SAMSN1: variants seen among roughly 807,000 people sequenced by gnomAD.
The protein encoded by SAMSN1 is SAM domain, SH3 domain and nuclear localization signals 1.
A neutral mutation model predicts 42.0 loss-of-function variants in SAMSN1; 31 were observed. That is an observed-to-expected ratio of 0.74 (90% confidence interval 0.55 to 1.00). SAMSN1 has a LOEUF of 1.00. Among genes scored for constraint, SAMSN1 ranks in the 50% least tolerant of loss-of-function variants. The probability of loss-of-function intolerance (pLI) is 0.00; values close to 1 mark genes in which losing one functional copy is unlikely to be tolerated. For synonymous variants in SAMSN1, 178 were observed against 151.9 expected (o/e 1.17, Z -1.26); for missense variants, 464 against 439.4 (o/e 1.06, Z -0.50).
At chr21:14,632,854 T>G (rs936877542) in intron 2 of SAMSN1, among the ~76,000 whole-genome samples, 12 of 152,196 alleles carry the variant, frequency 7.9e-5, no homozygotes, top group African/African-American at 2.7e-4. Context: ...CTGGAGGCCT[T>G]ACTTTATTGT....
At chr21:14,563,833 C>T (rs759720271) in intron 2 of SAMSN1, among the ~76,000 whole-genome samples, 7 of 152,130 alleles carry the variant, frequency 4.6e-5, no homozygotes, top group East Asian at 1.9e-4. Flanking sequence ...GTGAATGCCC[C>T]GTGTCAGCAA....
intron 2 of SAMSN1, among the ~76,000 whole-genome samples, chr21:14,520,797 T>C (rs890218439): frequency 6.6e-6 from 1 of 152,074 alleles, no homozygotes; most frequent in African/African-American, 2.4e-5. Context: ...CTGGCCTCTT[T>C]TGTTGTTATG....
intron 6 of SAMSN1, among the ~76,000 whole-genome samples, chr21:14,596,910 T>A (rs1391840967): frequency 6.6e-6 from 1 of 152,178 alleles, no homozygotes; most frequent in Non-Finnish European, 1.5e-5. Context: ...TGAAATAATT[T>A]TTTTTGTTTG....
intron 1 of SAMSN1, among the ~76,000 whole-genome samples, chr21:14,531,799 C>T (rs139602092): frequency 2.6e-4 from 39 of 152,128 alleles, no homozygotes; most frequent in Non-Finnish European, 5.4e-4. Flanking sequence ...TCCTTTTAAC[C>T]AAATTTCCTA....
chr21:14,529,266 C>T (rs187660370), intron 1 of SAMSN1, among the ~76,000 whole-genome samples: 8 of 152,282 alleles, frequency 5.3e-5, no homozygotes, highest in African/African-American at 1.7e-4. Context: ...AACCCTTTTC[C>T]GATGCCATTT....
At chr21:14,558,586 CAGG>C (rs1441970743) in intron 2 of SAMSN1, among the ~76,000 whole-genome samples, 1 of 151,990 alleles carries the variant, frequency 6.6e-6, no homozygotes, top group Non-Finnish European at 1.5e-5. Context: ...GAGGCTGAAG[CAGG>C]AGAATTGTCT....
chr21:14,591,771 C>A (rs1338904090), intron 7 of SAMSN1, among the ~76,000 whole-genome samples: 1 of 152,100 alleles, frequency 6.6e-6, no homozygotes, highest in Non-Finnish European at 1.5e-5. Context: ...ACTGTAAAAA[C>A]ACTAAAACCC....
chr21:14,649,677 GGAGAA>G (rs1983793842), intron 1 of SAMSN1, among the ~76,000 whole-genome samples: 1 of 151,794 alleles, frequency 6.6e-6, no homozygotes, highest in Non-Finnish European at 1.5e-5. Context: ...GGCTGAGGTA[GGAGAA>G]TCTCTTGAAC....
intron 1 of SAMSN1, among the ~76,000 whole-genome samples, chr21:14,655,215 G>A (rs563993055): frequency 6.6e-6 from 1 of 151,798 alleles, no homozygotes; most frequent in South Asian, 2.1e-4. Context: ...TTAAACTCTA[G>A]ACCTTTCATA....
intron 2 of SAMSN1, among the ~76,000 whole-genome samples, chr21:14,616,835 G>A (rs1454274915): frequency 6.6e-6 from 1 of 152,076 alleles, no homozygotes; most frequent in African/African-American, 2.4e-5. Context: ...AAGGCTAAAA[G>A]GAAAGGTGAA....
intron 1 of SAMSN1, among the ~76,000 whole-genome samples, chr21:14,530,219 AGGCAGGAGAAT>A (rs1159695640): frequency 1.4e-5 from 2 of 146,068 alleles, no homozygotes; most frequent in Non-Finnish European, 3.0e-5. Context: ...TGGGAGGCTG[AGGCAGGAGAAT>A]GGCGTGAACC....
exon 2 of SAMSN1, chr21:14,582,363 G>C: frequency 6.5e-7 from 1 of 1,549,874 alleles, no homozygotes; most frequent in Non-Finnish European, 8.7e-7. Flanking sequence ...GATCTACCCA[G>C]TGATGCAGAA....
chr21:14,644,028 C>T (rs1267685970), intron 1 of SAMSN1, among the ~76,000 whole-genome samples: 1 of 152,182 alleles, frequency 6.6e-6, no homozygotes, highest in African/African-American at 2.4e-5. Context: ...GGTTGAGTGC[C>T]TGCAAACCTT....
chr21:14,531,051 C>A (rs1979238465), intron 1 of SAMSN1, among the ~76,000 whole-genome samples: 1 of 151,792 alleles, frequency 6.6e-6, no homozygotes, highest in Non-Finnish European at 1.5e-5. Flanking sequence ...TATAACTAAA[C>A]AAAAACAAAT....
chr21:14,612,871 C>A (rs2123326666), intron 4 of SAMSN1: 2 of 706,872 alleles, frequency 2.8e-6, no homozygotes, highest in Non-Finnish European at 5.3e-6. Context: ...TTAGGAATCA[C>A]TAACCAAATA....
intron 1 of SAMSN1, among the ~76,000 whole-genome samples, chr21:14,536,433 G>C (rs1309320017): frequency 6.6e-6 from 1 of 152,132 alleles, no homozygotes; most frequent in Non-Finnish European, 1.5e-5. Context: ...CTACACTTCT[G>C]TCATTTCTCT....
At chr21:14,579,012 G>A (rs1190597753) in intron 2 of SAMSN1, among the ~76,000 whole-genome samples, 2 of 151,852 alleles carry the variant, frequency 1.3e-5, no homozygotes, top group Non-Finnish European at 2.9e-5. Context: ...TAATAACCCT[G>A]CAATTACTAT....
chr21:14,498,287 G>A (rs1986993233), intron 7 of SAMSN1, among the ~76,000 whole-genome samples, 155 bp downstream of exon 7: 1 of 152,210 alleles, frequency 6.6e-6, no homozygotes, highest in South Asian at 2.1e-4. Context: ...TTTGACCAGA[G>A]TTATTGTTTT....
At chr21:14,512,606 GAGA>G (rs1402337068) in intron 3 of SAMSN1, 33 bp from the exon 4 acceptor site, 14 of 1,609,706 alleles carry the variant, frequency 8.7e-6, no homozygotes, top group South Asian at 1.1e-5. Flanking sequence ...TAGGTACAGA[GAGA>G]AGATTTCCAC....
Sources: gnomAD v4.1 joint callset for allele counts (sites outside exome capture counted in the v4.1 genomes callset) on GRCh38, gnomAD v4.1.1 for gene constraint, MANE v1.5 for transcripts, NCBI Gene and HGNC (gene_info 2026-07-23, HGNC 2026-07-21) for gene names.